The following GRM7 variants were observed in gnomAD, a reference collection of about 807,000 sequenced individuals.
The protein encoded by GRM7 is glutamate metabotropic receptor 7.
A neutral mutation model predicts 84.5 loss-of-function variants in GRM7; 35 were observed. That is an observed-to-expected ratio of 0.41 (90% confidence interval 0.32 to 0.55). GRM7 has a LOEUF of 0.55. Among genes scored for constraint, GRM7 ranks in the 20% least tolerant of loss-of-function variants. The pLI is 0.19. For synonymous variants in GRM7, 487 were observed against 455.1 expected (o/e 1.07, Z -0.89); for missense variants, 1,003 against 1,194.6 (o/e 0.84, Z 2.36).
chr3:7,633,790 AAATC>A (rs564993185), intron 8 of GRM7, among the ~76,000 whole-genome samples: 202 of 152,302 alleles, frequency 1.3e-3, no homozygotes, highest in African/African-American at 4.5e-3. Flanking sequence ...ATTTGTCAAC[AAATC>A]AGACCCGTTC....
At chr3:7,051,613 T>G (rs2124955585) in intron 1 of GRM7, among the ~76,000 whole-genome samples, 1 of 151,920 alleles carries the variant, frequency 6.6e-6, no homozygotes, top group African/African-American at 2.4e-5. Context: ...CTATAAAGTG[T>G]CCAAAGGAAT....
At chr3:7,021,673 C>T (rs1695781788) in intron 1 of GRM7, among the ~76,000 whole-genome samples, 1 of 152,094 alleles carries the variant, frequency 6.6e-6, no homozygotes, top group Admixed American at 6.6e-5. Flanking sequence ...GTATAGTATT[C>T]TTGTCTTTGC....
intron 9 of GRM7, among the ~76,000 whole-genome samples, chr3:7,725,833 ATCATGATT>A (rs1327470719): frequency 5.9e-5 from 9 of 152,198 alleles, no homozygotes; most frequent in Non-Finnish European, 1.2e-4. Flanking sequence ...AGGACATGAC[ATCATGATT>A]TACATAGTTT....
At position 7,302,931 on chromosome 3, in the gene GRM7, A is replaced by ATTTTTTTTTTTTTTTTT. The variant is rs761399796; in HGVS notation, c.879-3559_879-3543dup. On this transcript the variant is annotated intron_variant, in intron 3 of 9. Coordinates refer to ENST00000357716, the MANE Select transcript of GRM7 (RefSeq NM_000844.4). ...AGAAGTATTAACATTTGATTGTTCT[A>ATTTTTTTTTTTTTTTTT]TTTTTTTTTTTTTTTTTTTTTTTTG... Among the ~76,000 whole-genome samples, 50 of 121,932 alleles carry ATTTTTTTTTTTTTTTTT rather than the reference A, an allele frequency of 4.1e-4. 1 individual carries two copies. The highest frequency in any genetic ancestry group is 1.7e-3 in the African/African-American group (47 of 27,176). The allele number at this position is 121,932 out of a possible 152,430, so 80.0% of individuals were successfully genotyped here.
chr3:7,272,437 ATTGT>A (rs769836632), intron 2 of GRM7, among the ~76,000 whole-genome samples: 14 of 152,270 alleles, frequency 9.2e-5, no homozygotes, highest in Middle Eastern at 3.4e-3. Context: ...GTTTTAGGTG[ATTGT>A]TTGCAGAAAA....
At chr3:7,455,653 A>T (rs111621706) in intron 6 of GRM7, among the ~76,000 whole-genome samples, 1 of 152,182 alleles carries the variant, frequency 6.6e-6, no homozygotes, top group Non-Finnish European at 1.5e-5. Context: ...AAAAGTGTCC[A>T]GGTCATGAGA....
chr3:6,875,033 C>T (rs558325655), intron 1 of GRM7, among the ~76,000 whole-genome samples: 2 of 152,292 alleles, frequency 1.3e-5, no homozygotes, highest in Admixed American at 6.5e-5. Context: ...GAATTATCCT[C>T]TATAGCATCT....
intron 1 of GRM7, among the ~76,000 whole-genome samples, chr3:7,119,314 A>T (rs1693142681): frequency 6.6e-6 from 1 of 151,840 alleles, no homozygotes; most frequent in Admixed American, 6.6e-5. Context: ...TGATTCCTTG[A>T]AAAAAAATTG....
chr3:6,867,274 A>G (rs1694967212), intron 1 of GRM7, among the ~76,000 whole-genome samples: 1 of 152,210 alleles, frequency 6.6e-6, no homozygotes, highest in South Asian at 2.1e-4. Flanking sequence ...CAGGCTGTAG[A>G]TAACACTTTC....
At chr3:7,400,921 T>C (rs898762543) in intron 4 of GRM7, among the ~76,000 whole-genome samples, 1 of 152,158 alleles carries the variant, frequency 6.6e-6, no homozygotes, top group Non-Finnish European at 1.5e-5. Flanking sequence ...TTTGTGAGAA[T>C]TGAAATAATA....
intron 7 of GRM7, among the ~76,000 whole-genome samples, chr3:7,572,237 C>T (rs1373301833): frequency 6.6e-6 from 1 of 152,170 alleles, no homozygotes; most frequent in African/African-American, 2.4e-5. Context: ...CCAACTTTGT[C>T]CACATACTGA....
intron 4 of GRM7, among the ~76,000 whole-genome samples, chr3:7,312,852 T>C (rs1040359872): frequency 1.3e-5 from 2 of 151,946 alleles, no homozygotes; most frequent in African/African-American, 2.4e-5. Context: ...CCATAAACTG[T>C]GATTGTCCCA....
At chr3:7,061,917 C>T (rs1203597329) in intron 1 of GRM7, among the ~76,000 whole-genome samples, 1 of 151,652 alleles carries the variant, frequency 6.6e-6, no homozygotes, top group Non-Finnish European at 1.5e-5. Context: ...AGCATATTCC[C>T]TGCCCCTAAC....
intron 1 of GRM7, among the ~76,000 whole-genome samples, chr3:7,139,542 G>C (rs1039249008): frequency 1.3e-5 from 2 of 152,028 alleles, no homozygotes; most frequent in East Asian, 3.9e-4. Flanking sequence ...GCACATATGA[G>C]AGCGTGAATT....
intron 1 of GRM7, among the ~76,000 whole-genome samples, chr3:6,908,957 T>C (rs937499122): frequency 6.6e-6 from 1 of 152,250 alleles, no homozygotes; most frequent in Middle Eastern, 3.4e-3. Flanking sequence ...TTAGAGACTT[T>C]AAATTCATGA....
At chr3:7,073,469 T>G (rs1697954750) in intron 1 of GRM7, among the ~76,000 whole-genome samples, 1 of 152,096 alleles carries the variant, frequency 6.6e-6, no homozygotes, top group Admixed American at 6.6e-5. Context: ...AACAAGCAGA[T>G]GGTCTGCTTT....
At chr3:7,369,769 T>G (rs941073994) in intron 4 of GRM7, among the ~76,000 whole-genome samples, 1 of 152,180 alleles carries the variant, frequency 6.6e-6, no homozygotes. Context: ...TCATACTCCC[T>G]GACACAGAAC....
intron 8 of GRM7, among the ~76,000 whole-genome samples, chr3:7,623,605 A>G (rs1697466005): frequency 6.6e-6 from 1 of 152,108 alleles, no homozygotes; most frequent in South Asian, 2.1e-4. Flanking sequence ...CAACCTGCCC[A>G]CTTGGCTGAC....
chr3:7,277,573 T>C (rs2124989664), intron 2 of GRM7, among the ~76,000 whole-genome samples: 1 of 152,304 alleles, frequency 6.6e-6, no homozygotes, highest in East Asian at 1.9e-4. Flanking sequence ...GTCATTGTTT[T>C]ATTAATTCAT....
Sources: allele counts gnomAD v4.1 joint callset (sites outside exome capture counted in the v4.1 genomes callset), GRCh38; gene constraint gnomAD v4.1.1; transcripts MANE v1.5; gene names NCBI Gene and HGNC (gene_info 2026-07-23, HGNC 2026-07-21).